Variants in PCDHGA6 observed in about 807,000 individuals in gnomAD.
PCDHGA6 encodes the protein protocadherin gamma-A6.
PCDHGA6 carries 41 observed loss-of-function variants against 60.6 expected under a neutral mutation model. The ratio of observed to expected loss-of-function variants is 0.68; its 90% CI spans 0.53 to 0.88. The LOEUF (loss-of-function observed/expected upper bound fraction) is 0.88, where lower values mean the gene tolerates loss of function less well. PCDHGA6 is among the 40% of genes least tolerant of loss of function. PCDHGA6 has a pLI of 0.00. For missense variants in PCDHGA6, 1,312 were observed against 1,203.0 expected, an observed-to-expected ratio of 1.09 and a Z score of -1.34; for synonymous variants, 594 against 524.4, an observed-to-expected ratio of 1.13 and a Z score of -1.81.
rs752171326 is a variant in PCDHGA6 at position 141,395,310 on chromosome 5, A to C, written c.2424+18803A>C. The stretch of plus-strand genomic sequence containing the variant: ...TGGCATAAATTATGTTTTGAAAAAC[A>C]TTGTGAAGATAGTTGAAAATAATTT... On this transcript the variant is annotated intron_variant, in intron 1 of 3. Transcript: ENST00000517434. The C allele has an allele frequency of 3.3e-6, 5 of 1,502,410 alleles. No homozygotes were observed. In the East Asian group the frequency reaches 1.1e-4, roughly 34 times the overall value. 93.1% of individuals were successfully genotyped at this position (1,502,410 alleles called of 1,614,324 possible).
intron 2 of PCDHGA6, among the ~76,000 whole-genome samples, chr5:141,496,827 C>A (rs1595415247): frequency 6.6e-6 from 1 of 151,780 alleles, no homozygotes; most frequent in East Asian, 1.9e-4. Context: ...TAGATGTGAT[C>A]CCAGAACTCA....
At chr5:141,501,103 G>A (rs1449600108) in intron 2 of PCDHGA6, among the ~76,000 whole-genome samples, 9 of 152,078 alleles carry the variant, frequency 5.9e-5, no homozygotes, top group African/African-American at 1.4e-4. Context: ...TCTTGACCTC[G>A]TGATCCGCCT....
At chr5:141,456,731 G>A (rs1282690673) in intron 1 of PCDHGA6, among the ~76,000 whole-genome samples, 1 of 152,214 alleles carries the variant, frequency 6.6e-6, no homozygotes, top group Non-Finnish European at 1.5e-5. Flanking sequence ...TTGGGAGGCT[G>A]AGGCGGGAGC....
At chr5:141,459,874 A>G (rs922438277) in intron 1 of PCDHGA6, among the ~76,000 whole-genome samples, 10 of 152,156 alleles carry the variant, frequency 6.6e-5, no homozygotes, top group African/African-American at 2.4e-4. Flanking sequence ...TTCATCTTTA[A>G]CTGAGCTGAA....
chr5:141,374,336 G>A lies in PCDHGA6; in HGVS notation c.253G>A (p.Val85Ile). The A allele has an allele frequency of 6.2e-7, 1 of 1,614,008 alleles. No individual in the cohort carries two copies. The highest frequency in any genetic ancestry group is 8.5e-7 in the Non-Finnish European group (1 of 1,179,878). ...FSLNPRNGSL[V>I]TAGRIDREEL... ...TCTGAATCCGCGAAACGGCAGCTTG[G>A]TCACCGCGGGTAGGATAGACCGCGA... The change falls in exon 1 of 4, where the codon GTC (valine) becomes ATC (isoleucine). Residue 85 changes from valine (V) to isoleucine (I), a missense_variant. Val to Ile is a conservative substitution (Grantham distance 29). Coordinates refer to ENST00000517434, the MANE Select transcript of PCDHGA6 (RefSeq NM_018919.3).
At chr5:141,458,651 C>T (rs924873907) in intron 1 of PCDHGA6, among the ~76,000 whole-genome samples, 1 of 152,114 alleles carries the variant, frequency 6.6e-6, no homozygotes. Context: ...CTCACTGCAA[C>T]CTCCACCTCT....
intron 1 of PCDHGA6, chr5:141,414,696 A>T: frequency 6.2e-7 from 1 of 1,613,982 alleles, no homozygotes; most frequent in Non-Finnish European, 8.5e-7. Flanking sequence ...CTCTGTCCTC[A>T]TACATATCCA....
rs769074023 is a variant in PCDHGA6 at position 141,491,738 on chromosome 5, G to T, written c.2425-3069G>T. On this transcript the variant is annotated intron_variant, in intron 1 of 3. Transcript: ENST00000517434. The surrounding 1 kb of genome is among the most constrained non-coding windows in gnomAD (Gnocchi z 6.9). The stretch of plus-strand genomic sequence containing the variant: ...GCGCCGCCCCGGGCGACCCCTGGGG[G>T]CGGCACTGGAGAAGCCGCCCGTCCT... 38 of 1,600,228 alleles carry T rather than the reference G, an allele frequency of 2.4e-5. No homozygotes were observed. The highest frequency in any genetic ancestry group is 3.1e-5 in the Non-Finnish European group (36 of 1,174,204).
At chr5:141,381,826 CTTTTTTTTTT>C (rs770630741) in intron 1 of PCDHGA6, among the ~76,000 whole-genome samples, 5 of 74,284 alleles carry the variant, frequency 6.7e-5, no homozygotes, top group South Asian at 5.1e-4. Context: ...CTTTCTTCTT[CTTTTTTTTTT>C]TTTTTTTTTT....
chr5:141,382,567 T>G (rs1778294618), intron 1 of PCDHGA6, among the ~76,000 whole-genome samples: 1 of 152,132 alleles, frequency 6.6e-6, no homozygotes, highest in African/African-American at 2.4e-5. Context: ...AGCAAAGAAA[T>G]CTAACAGGGA....
At chr5:141,418,566 A>G (rs2096269931) in intron 1 of PCDHGA6, 2 of 1,614,054 alleles carry the variant, frequency 1.2e-6, no homozygotes, top group South Asian at 1.1e-5. Context: ...ATAGATGCCA[A>G]TGACAACCCC....
At chr5:141,414,155 A>G in intron 1 of PCDHGA6, 1 of 1,601,706 alleles carries the variant, frequency 6.2e-7, no homozygotes, top group Non-Finnish European at 8.5e-7. Context: ...CAAGCAGAAG[A>G]TGGAGGAGCA....
At chr5:141,386,302 C>T (rs1192647200) in intron 1 of PCDHGA6, among the ~76,000 whole-genome samples, 1 of 152,174 alleles carries the variant, frequency 6.6e-6, no homozygotes, top group Non-Finnish European at 1.5e-5. Flanking sequence ...TTTAGTAAAG[C>T]TCAGTATATC....
intron 1 of PCDHGA6, among the ~76,000 whole-genome samples, chr5:141,492,996 AG>A: frequency 6.6e-6 from 1 of 152,348 alleles, no homozygotes; most frequent in Admixed American, 6.5e-5. Flanking sequence ...GCAGATGGAA[AG>A]CTATAGGCTC....
chr5:141,476,049 C>T lies in PCDHGA6; in HGVS notation c.2425-18758C>T. 2.0e-6 allele frequency: 3 copies of T among 1,501,848 alleles called. No homozygotes were observed. The South Asian group carries it at 4.0e-5, about 20-fold the overall frequency. 93.0% of individuals were successfully genotyped at this position (1,501,848 alleles called of 1,614,324 possible). ...CGCCCAGCGCCCAAGCGCTAACCCG[C>T]TGAAAGTTTCTCAGCGAAATCTCAG... On this transcript the variant is annotated intron_variant, in intron 1 of 3. Coordinates refer to ENST00000517434, the MANE Select transcript of PCDHGA6 (RefSeq NM_018919.3). This position sits in a 1 kb window ranked among gnomAD's most constrained non-coding sequence, Gnocchi z 7.6.
chr5:141,388,985 C>T, intron 1 of PCDHGA6: 1 of 1,613,958 alleles, frequency 6.2e-7, no homozygotes, highest in South Asian at 1.1e-5. Flanking sequence ...TTGCTTTGCT[C>T]AAAGTCCGTG....
At chr5:141,398,942 G>A (rs748252181) in intron 1 of PCDHGA6, 2 of 1,613,884 alleles carry the variant, frequency 1.2e-6, no homozygotes, top group South Asian at 1.1e-5. Context: ...CAAGACGAGG[G>A]CATCAACTCA....
chr5:141,399,665 A>T, intron 1 of PCDHGA6: 14 of 1,613,648 alleles, frequency 8.7e-6, no homozygotes, highest in Non-Finnish European at 1.2e-5. Flanking sequence ...GTGTTCGCGC[A>T]GCGCGCCTTT....
At chr5:141,424,540 T>G (rs944656560) in intron 1 of PCDHGA6, 1 of 152,244 alleles carries the variant, frequency 6.6e-6, no homozygotes, top group Admixed American at 6.5e-5. Flanking sequence ...TAGAAATAAC[T>G]TGATTTTGAT....
Sources: allele counts gnomAD v4.1 joint callset (sites outside exome capture counted in the v4.1 genomes callset), GRCh38; gene constraint gnomAD v4.1.1; non-coding constraint Gnocchi (gnomAD v3.1); transcripts MANE v1.5; gene names NCBI Gene and HGNC (gene_info 2026-07-23, HGNC 2026-07-21).